The following RGS6 variants were observed in gnomAD, a reference collection of about 807,000 sequenced individuals.
RGS6 encodes the protein regulator of G-protein signaling 6.
RGS6 carries 30 observed loss-of-function variants against 78.5 expected under a neutral mutation model. The ratio of observed to expected loss-of-function variants is 0.38; its 90% CI spans 0.29 to 0.52. The LOEUF is 0.52. Ranked by LOEUF, RGS6 falls within the 20% of genes least tolerant of loss-of-function variation. The pLI is 0.85. For missense variants in RGS6, 495 were observed against 609.7 expected (o/e 0.81, Z 1.98); for synonymous variants, 206 against 206.0 (o/e 1.00, Z 0.00).
intron 2 of RGS6, among the ~76,000 whole-genome samples, chr14:72,018,303 T>C (rs1157451880): frequency 6.6e-6 from 1 of 152,184 alleles, no homozygotes; most frequent in East Asian, 1.9e-4. Flanking sequence ...ATTATATTCT[T>C]TTGAATTTTT....
chr14:72,475,830 G>GGGCACA (rs1555424339), intron 10 of RGS6, among the ~76,000 whole-genome samples: 1 of 145,606 alleles, frequency 6.9e-6, no homozygotes, highest in African/African-American at 2.6e-5. Flanking sequence ...AAAAATACAC[G>GGGCACA]CACACACACA....
At position 72,084,078 on chromosome 14, in the gene RGS6, C is replaced by G. The variant is rs564946740; in HGVS notation, c.84+119203C>G. 3.8e-3 allele frequency among the ~76,000 whole-genome samples: 575 copies of G among 152,264 alleles called. 2 individuals are homozygous for G. The highest frequency in any genetic ancestry group is 0.014 in the African/African-American group (562 of 41,556). On this transcript the variant is annotated intron_variant, in intron 2 of 17. Coordinates refer to ENST00000553525, the MANE Select transcript of RGS6 (RefSeq NM_001204424.2). ...ATAATAATATCCTAGAACAGTGGTCCTCAGCTTTTTTTGGCACTAAGGACA... is the reference window on the plus strand; with the variant it reads ...ATAATAATATCCTAGAACAGTGGTCGTCAGCTTTTTTTGGCACTAAGGACA...
chr14:72,437,728 G>A (rs1173070479), intron 3 of RGS6, among the ~76,000 whole-genome samples: 4 of 152,164 alleles, frequency 2.6e-5, no homozygotes, highest in African/African-American at 9.7e-5. Flanking sequence ...GAGGAAGATG[G>A]CACATTAGAA....
chr14:72,114,008 G>T (rs182403044), intron 2 of RGS6, among the ~76,000 whole-genome samples: 1 of 152,256 alleles, frequency 6.6e-6, no homozygotes, highest in African/African-American at 2.4e-5. Context: ...AAAATCAAGA[G>T]GAAATGGCTG....
chr14:72,056,193 G>C (rs567633440), intron 2 of RGS6, among the ~76,000 whole-genome samples: 1 of 152,126 alleles, frequency 6.6e-6, no homozygotes, highest in African/African-American at 2.4e-5. Context: ...CAGATGGGGG[G>C]ATGTGAAGCC....
chr14:72,552,695 G>A (rs1348924797), intron 17 of RGS6: 1 of 152,162 alleles, frequency 6.6e-6, no homozygotes, highest in Non-Finnish European at 1.5e-5. Context: ...ATTCCAAAGC[G>A]AGGTAGTGGA....
At chr14:72,165,337 G>C (rs985500197) in intron 2 of RGS6, among the ~76,000 whole-genome samples, 15 of 152,230 alleles carry the variant, frequency 9.9e-5, no homozygotes, top group African/African-American at 3.6e-4. Context: ...AATCTGTCAA[G>C]GAGAAACAAA....
intron 3 of RGS6, among the ~76,000 whole-genome samples, chr14:72,412,300 G>A (rs1003496033): frequency 1.3e-5 from 2 of 152,182 alleles, no homozygotes; most frequent in Non-Finnish European, 1.5e-5. Context: ...TCTTGGGAGG[G>A]TGTATGTGTC....
chr14:72,096,425 CTG>C (rs1420343535), intron 2 of RGS6, among the ~76,000 whole-genome samples: 2 of 152,300 alleles, frequency 1.3e-5, no homozygotes, highest in African/African-American at 4.8e-5. Context: ...TAATTAACAA[CTG>C]TGCTAAAACA....
chr14:72,473,595 A>G (rs2096151603), intron 9 of RGS6, among the ~76,000 whole-genome samples: 1 of 152,196 alleles, frequency 6.6e-6, no homozygotes, highest in Non-Finnish European at 1.5e-5. Context: ...TGAATCTTCA[A>G]CTATTCTCTG....
chr14:71,994,488 A>G (rs111929019), intron 2 of RGS6, among the ~76,000 whole-genome samples: 32 of 152,312 alleles, frequency 2.1e-4, no homozygotes, highest in African/African-American at 7.2e-4. Flanking sequence ...TCTGAGAGAC[A>G]TGAAACCACT....
the RGS6 span, among the ~76,000 whole-genome samples, chr14:72,581,586 G>C: frequency 1.3e-5 from 2 of 152,154 alleles, no homozygotes; most frequent in Non-Finnish European, 2.9e-5. Flanking sequence ...ATGCCTCTCT[G>C]ATCCCTTGCA....
chr14:72,285,313 T>G (rs1237271292), intron 2 of RGS6, among the ~76,000 whole-genome samples: 16 of 152,146 alleles, frequency 1.1e-4, no homozygotes, highest in Non-Finnish European at 8.8e-5. Flanking sequence ...CCACATGTTG[T>G]GGGAAGGACC....
intron 11 of RGS6, among the ~76,000 whole-genome samples, chr14:72,477,631 C>T (rs2096271083): frequency 6.6e-6 from 1 of 151,634 alleles, no homozygotes; most frequent in South Asian, 2.1e-4. Context: ...CCCATCTCTA[C>T]TAAAAATAGA....
chr14:72,097,806 T>G (rs1235939320), intron 2 of RGS6, among the ~76,000 whole-genome samples: 2 of 152,170 alleles, frequency 1.3e-5, no homozygotes, highest in Admixed American at 6.6e-5. Context: ...TTCCTGTGCC[T>G]ATCACTTTGT....
At chr14:72,379,950 G>A (rs10138152) in intron 3 of RGS6, among the ~76,000 whole-genome samples, 71,051 of 151,830 alleles carry the variant, frequency 0.47, 17,860 homozygotes, top group African/African-American at 0.66. Context: ...AAACAGCATG[G>A]TACTGTTATA....
intron 2 of RGS6, among the ~76,000 whole-genome samples, chr14:72,002,832 A>T (rs762166716): frequency 3.3e-5 from 5 of 152,148 alleles, no homozygotes; most frequent in Non-Finnish European, 7.3e-5. Flanking sequence ...AAATGAGCCT[A>T]TCATCTAGAG....
At chr14:72,239,924 T>C (rs964892869) in intron 2 of RGS6, among the ~76,000 whole-genome samples, 1 of 152,158 alleles carries the variant, frequency 6.6e-6, no homozygotes, top group African/African-American at 2.4e-5. Context: ...TAAACACCAT[T>C]TGGGATCTTT....
chr14:72,426,290 T>C lies in RGS6; in HGVS notation c.185-28238T>C, dbSNP rs1195375243. Among the ~76,000 whole-genome samples, 4 of 152,182 alleles carry C rather than the reference T, an allele frequency of 2.6e-5. No homozygotes were observed. In the East Asian group the frequency reaches 5.8e-4, roughly 22 times the overall value. ...AGACTCAGAAAAGTTACATGACTTA[T>C]TCAATATCACATAATTAATAAAGAG... On this transcript the variant is annotated intron_variant, in intron 3 of 17. Transcript: ENST00000553525.
Sources: gnomAD v4.1 joint callset for allele counts (sites outside exome capture counted in the v4.1 genomes callset) on GRCh38, gnomAD v4.1.1 for gene constraint, MANE v1.5 for transcripts, NCBI Gene and HGNC (gene_info 2026-07-23, HGNC 2026-07-21) for gene names.